The following MYT1L variants were observed in gnomAD, a reference collection of about 807,000 sequenced individuals.
The protein encoded by MYT1L is myelin transcription factor 1 like.
In MYT1L, 12 loss-of-function variants were observed where a neutral mutation model predicts 126.7. That is an observed-to-expected ratio of 0.09 (90% CI 0.06 to 0.15). The LOEUF is 0.15. MYT1L is among the 10% of genes least tolerant of loss of function. The pLI is 1.00. For missense variants in MYT1L, 979 were observed against 1,585.2 expected (o/e 0.62, Z 6.49); for synonymous variants, 541 against 604.2 (o/e 0.90, Z 1.53).
intron 8 of MYT1L, among the ~76,000 whole-genome samples, chr2:1,952,718 CCTT>C (rs2057891365): frequency 2.3e-5 from 1 of 43,620 alleles, no homozygotes; most frequent in Non-Finnish European, 4.7e-5. Context: ...TCCCTTCCCT[CCTT>C]CCTTCCCTTC....
chr2:2,231,016 AC>A (rs1391482904), intron 2 of MYT1L, among the ~76,000 whole-genome samples: 1 of 151,000 alleles, frequency 6.6e-6, no homozygotes, highest in Non-Finnish European at 1.5e-5. Flanking sequence ...CCCAGCCCCC[AC>A]CCCCAGACTC....
In MYT1L at chr2:1,889,411, C is replaced by A; in HGVS notation, c.2350G>T (p.Asp784Tyr). 7.4e-6 allele frequency: 12 copies of A among 1,613,770 alleles called. No individual in the cohort carries two copies. The highest frequency in any genetic ancestry group is 1.0e-5 in the Non-Finnish European group (12 of 1,179,794). ...GGGGTCAGGATGGGGCAGCAGCTGT[C>A]CCGCGGCCTCTGCTTGTTCATGCTG... ...DLSMNKQRPR[D>Y]SCCPILTPLE... The change falls in exon 16 of 25, where the codon GAC becomes TAC. Residue 784 changes from aspartate to tyrosine, a missense_variant. Physicochemically the swap from Asp to Tyr is radical, Grantham distance 160. Coordinates refer to ENST00000647738, the MANE Select transcript of MYT1L (RefSeq NM_001303052.2). This position sits in a 1 kb window ranked among gnomAD's most constrained non-coding sequence, Gnocchi z 4.1.
chr2:1,791,088 G>A lies in MYT1L; in HGVS notation c.*779C>T, dbSNP rs2032000611. ...GTTTCCATAGTCACAACCATGTAAC[G>A]CTTAGGAGTTAATTTAAAAGTGCTG... is the stretch of plus-strand genomic sequence containing the variant. On this transcript the variant is annotated 3_prime_UTR_variant, in exon 25 of 25. Transcript: ENST00000647738. The surrounding 1 kb of genome is among the most constrained non-coding windows in gnomAD (Gnocchi z 6.0). The A allele has an allele frequency of 9.9e-6, 4 of 404,702 alleles. No homozygotes were observed. Among genetic ancestry groups the A allele is most frequent in the South Asian group, 5.9e-5 (3 of 50,438 alleles). 25.1% of individuals were successfully genotyped at this position (404,702 alleles called of 1,614,324 possible).
intron 2 of MYT1L, among the ~76,000 whole-genome samples, chr2:2,173,634 A>G (rs1192841565): frequency 6.6e-6 from 1 of 152,232 alleles, no homozygotes; most frequent in Non-Finnish European, 1.5e-5. Context: ...ACTATCAAAG[A>G]GAGAATTTAT....
intron 23 of MYT1L, among the ~76,000 whole-genome samples, chr2:1,795,306 C>T (rs1003702830): frequency 6.6e-6 from 1 of 152,216 alleles, no homozygotes; most frequent in East Asian, 1.9e-4. Context: ...GGGCCTCTGA[C>T]CCAGCCTTAG....
intron 1 of MYT1L, among the ~76,000 whole-genome samples, chr2:2,302,695 T>G (rs1046959147): frequency 6.6e-6 from 1 of 152,178 alleles, no homozygotes; most frequent in Non-Finnish European, 1.5e-5. Flanking sequence ...ATCAAATTCT[T>G]GTAACTCTTA....
rs1021993969 is a variant in MYT1L, at chr2:2,164,582, C to A, written c.-304+8290G>T. On this transcript the variant is annotated intron_variant, in intron 3 of 24. Transcript: ENST00000647738. ...TTTGGTTACTTTCCAAGACTTAGCA[C>A]AATGCCTCACATAGGGTAGCCACCC... Among the ~76,000 whole-genome samples the A allele has an allele frequency of 2.0e-5, 3 of 152,202 alleles. No homozygotes were observed. The South Asian group carries it at 6.2e-4, about 31-fold the overall frequency.
Position 2,028,985 on chromosome 2 carries a change from G to A in MYT1L, c.-158+24993C>T, listed in dbSNP as rs188234443. The stretch of plus-strand genomic sequence containing the variant: ...CAATCACTTGGTCTCTCTAAGCCTC[G>A]GTATCCGTACTATAAATTAGGTACT... On this transcript the variant is annotated intron_variant, in intron 4 of 24. Transcript: ENST00000647738. Among the ~76,000 whole-genome samples the A allele has an allele frequency of 8.5e-3, 1,294 of 152,058 alleles. 7 individuals carry two copies. Among genetic ancestry groups the A allele is most frequent in the Non-Finnish European group, 0.015 (989 of 67,958 alleles).
chr2:2,321,821 T>G (rs1428631952), intron 1 of MYT1L, among the ~76,000 whole-genome samples: 1 of 152,220 alleles, frequency 6.6e-6, no homozygotes, highest in Admixed American at 6.5e-5. Flanking sequence ...TTGAGGTAAT[T>G]TTCTTTAAAG....
chr2:1,838,662 T>A (rs914253310), intron 21 of MYT1L, among the ~76,000 whole-genome samples: 1 of 152,166 alleles, frequency 6.6e-6, no homozygotes, highest in Non-Finnish European at 1.5e-5. Flanking sequence ...TCTAACTGCA[T>A]GTATTTCTTT....
At chr2:2,200,003 G>C (rs1990856) in intron 2 of MYT1L, among the ~76,000 whole-genome samples, 26,363 of 152,120 alleles carry the variant, frequency 0.17, 2,468 homozygotes, top group African/African-American at 0.26. Context: ...CCTTCCTCCA[G>C]GTAAGCCTCG....
chr2:1,913,799 C>T (rs1359730956), intron 11 of MYT1L, among the ~76,000 whole-genome samples: 1 of 152,138 alleles, frequency 6.6e-6, no homozygotes. Flanking sequence ...CCAGCCTCGC[C>T]CCTGAATCCT....
At chr2:2,275,202 ATGTGTG>A (rs10522538) in intron 2 of MYT1L, among the ~76,000 whole-genome samples, 25,204 of 139,334 alleles carry the variant, frequency 0.18, 2,235 homozygotes, top group Non-Finnish European at 0.21. Context: ...TAATAATAAA[ATGTGTG>A]TGTGTGTGTG....
chr2:2,220,589 T>G (rs1895137), intron 2 of MYT1L, among the ~76,000 whole-genome samples: 101,100 of 151,978 alleles, frequency 0.67, 33,990 homozygotes, highest in East Asian at 0.83. Flanking sequence ...AAGATCTTGT[T>G]ATGTTAATAG....
At chr2:2,295,681 CAGACAG>C (rs1364708157) in intron 1 of MYT1L, among the ~76,000 whole-genome samples, 12 of 43,248 alleles carry the variant, frequency 2.8e-4, no homozygotes, top group African/African-American at 1.2e-3. Flanking sequence ...GAGAGAGAGA[CAGACAG>C]AGAGAGAGAG....
intron 2 of MYT1L, among the ~76,000 whole-genome samples, chr2:2,275,815 C>A (rs1051707289): frequency 6.6e-6 from 1 of 152,190 alleles, no homozygotes; most frequent in Non-Finnish European, 1.5e-5. Flanking sequence ...CCACCTTAAC[C>A]TTCCACACAT....
At chr2:2,277,603 G>A (rs974296902) in intron 2 of MYT1L, among the ~76,000 whole-genome samples, 3 of 152,224 alleles carry the variant, frequency 2.0e-5, no homozygotes, top group African/African-American at 7.2e-5. Flanking sequence ...CCAGAGTCCT[G>A]GGACTGGTTC....
intron 13 of MYT1L, among the ~76,000 whole-genome samples, chr2:1,907,557 G>A (rs1363130967): frequency 6.6e-6 from 1 of 152,206 alleles, no homozygotes; most frequent in Non-Finnish European, 1.5e-5. Flanking sequence ...GGTAGGAGGG[G>A]AGGAGAGGCT....
intron 21 of MYT1L, among the ~76,000 whole-genome samples, chr2:1,814,027 C>CAA (rs144973855): frequency 6.4e-5 from 8 of 124,542 alleles, no homozygotes; most frequent in African/African-American, 1.2e-4. Context: ...ACTCCGTCCC[C>CAA]AAAAAAAAAA....
Sources: allele counts gnomAD v4.1 joint callset (sites outside exome capture counted in the v4.1 genomes callset), GRCh38; gene constraint gnomAD v4.1.1; non-coding constraint Gnocchi (gnomAD v3.1); transcripts MANE v1.5; gene names NCBI Gene and HGNC (gene_info 2026-07-23, HGNC 2026-07-21).